ZG16: variants seen among roughly 807,000 people sequenced by gnomAD.
ZG16 encodes the protein zymogen granule membrane protein 16.
A neutral mutation model predicts 15.6 loss-of-function variants in ZG16; 9 were observed. The observed-to-expected ratio is 0.58, with a 90% CI of 0.35 to 1.00. The LOEUF is 1.00. ZG16 is among the 50% of genes least tolerant of loss of function. ZG16 has a pLI of 0.02. For missense variants in ZG16, 174 were observed against 214.8 expected (o/e 0.81, Z 1.19); for synonymous variants, 89 against 87.4 (o/e 1.02, Z -0.10).
chr16:29,779,990 T>C, intron 3 of ZG16, 114 bp from the exon 4 acceptor site: 3 of 1,012,508 alleles, frequency 3.0e-6, no homozygotes, highest in Non-Finnish European at 4.2e-6. Flanking sequence ...GAGTTGAAGT[T>C]CCCTGTAGGA....
chr16:29,779,991 C>A, intron 3 of ZG16, 113 bp from the exon 4 acceptor site: 1 of 1,023,432 alleles, frequency 9.8e-7, no homozygotes, highest in Non-Finnish European at 1.4e-6. Context: ...AGTTGAAGTT[C>A]CCTGTAGGAT....
chr16:29,779,177 A>T, intron 1 of ZG16, 83 bp from the exon 2 acceptor site: 1 of 1,370,868 alleles, frequency 7.3e-7, no homozygotes, highest in Non-Finnish European at 1.0e-6. Flanking sequence ...GCTTGGTCTG[A>T]GCTGCAGGTC....
chr16:29,779,368 C>A (rs912193318), intron 2 of ZG16, 47 bp downstream of exon 2: 9 of 1,535,908 alleles, frequency 5.9e-6, no homozygotes, highest in East Asian at 4.9e-5. Context: ...GGGAAGGCAG[C>A]CTTGGGCACT....
chr16:29,780,554 C>A lies in ZG16; in HGVS notation c.*135C>A. 2 of 808,150 alleles carry A rather than the reference C, an allele frequency of 2.5e-6. No individual in the cohort carries two copies. The highest frequency in any genetic ancestry group is 3.7e-6 in the Non-Finnish European group (2 of 535,092). 50.1% of individuals were successfully genotyped at this position (808,150 alleles called of 1,614,324 possible). On this transcript the variant is annotated 3_prime_UTR_variant, in exon 4 of 4. Coordinates refer to ENST00000400752, the MANE Select transcript of ZG16 (RefSeq NM_152338.4). ...GGGGCATCTGTGGCTGGGATATCTG[C>A]CTCCTGACTTAGCCGGGGACGTGCA... is the stretch of plus-strand genomic sequence containing the variant.
intron 3 of ZG16, 127 bp downstream of exon 3, chr16:29,779,764 C>T (rs1898601872): frequency 8.0e-7 from 1 of 1,243,384 alleles, no homozygotes; most frequent in Non-Finnish European, 1.1e-6. Flanking sequence ...GCCAGGGATG[C>T]CAGGGATTTA....
rs1218223399 is a variant in ZG16 at position 29,780,088 on chromosome 16, C to G, written c.189-16C>G. On this transcript the variant is annotated splice_polypyrimidine_tract_variant and intron_variant, in intron 3 of 3. Coordinates refer to ENST00000400752, the MANE Select transcript of ZG16 (RefSeq NM_152338.4). ...CATCACCTTTCTTTCTCCTTCCTTC[C>G]TCCCCTCTTCCTCAGTCTTCAGGTG... 2 of 1,527,220 alleles carry G rather than the reference C, an allele frequency of 1.3e-6. No individual in the cohort carries two copies. Among genetic ancestry groups the G allele is most frequent in the Non-Finnish European group, 1.8e-6 (2 of 1,140,570 alleles). The allele number at this position is 1,527,220 out of a possible 1,614,324, so 94.6% of individuals were successfully genotyped here. A position where few individuals can be genotyped will look rare whatever the true frequency, so the allele number is the denominator to read the frequency against.
chr16:29,779,799 C>T (rs898768416), intron 3 of ZG16, among the ~76,000 whole-genome samples, 162 bp downstream of exon 3: 7 of 151,952 alleles, frequency 4.6e-5, no homozygotes, highest in African/African-American at 9.7e-5. Context: ...TACCAAGACC[C>T]CATCTCTACC....
chr16:29,779,882 G>A (rs1471411489), intron 3 of ZG16, among the ~76,000 whole-genome samples: 3 of 152,060 alleles, frequency 2.0e-5, no homozygotes, highest in South Asian at 4.1e-4. Flanking sequence ...AGGGAGAGGC[G>A]GGAGGATTGC....
At chr16:29,779,982 G>A in intron 3 of ZG16, 122 bp from the exon 4 acceptor site, 2 of 955,784 alleles carry the variant, frequency 2.1e-6, no homozygotes, top group East Asian at 5.3e-5. Context: ...GGCAAAATGA[G>A]TTGAAGTTCC....
In ZG16 at chr16:29,782,736, T is replaced by A. The variant is rs1474545288; in HGVS notation, c.*2317T>A. ...TATCACAAATCTCCATCCAATTGGT[T>A]CTATAAACAGATATGGTGGCCCAAC... On this transcript the variant is annotated 3_prime_UTR_variant, in exon 4 of 4. Coordinates refer to ENST00000400752, the MANE Select transcript of ZG16 (RefSeq NM_152338.4). The A allele has an allele frequency of 6.5e-6, 1 of 152,782 alleles. No individual in the cohort carries two copies. The highest frequency in any genetic ancestry group is 1.5e-5 in the Non-Finnish European group (1 of 68,062). 9.5% of individuals were successfully genotyped at this position (152,782 alleles called of 1,614,324 possible).
intron 3 of ZG16, 142 bp from the exon 4 acceptor site, chr16:29,779,962 T>C: frequency 1.3e-6 from 1 of 798,222 alleles, no homozygotes; most frequent in Non-Finnish European, 1.9e-6. Flanking sequence ...GGTGACAGAG[T>C]CTCTTTGTTG....
chr16:29,778,472 G>C (rs1479463031), intron 1 of ZG16, among the ~76,000 whole-genome samples, 166 bp downstream of exon 1: 5 of 152,138 alleles, frequency 3.3e-5, no homozygotes, highest in Admixed American at 3.3e-4. Context: ...CTGAAGGACT[G>C]GGGACACCTG....
Position 29,780,268 on chromosome 16 carries a change from T to C in ZG16, c.353T>C (p.Leu118Pro). 1 of 1,537,514 alleles carries C rather than the reference T, an allele frequency of 6.5e-7. No homozygotes were observed. The highest frequency in any genetic ancestry group is 2.4e-5 in the East Asian group (1 of 40,914). The change falls in exon 4 of 4, where the codon CTG becomes CCG. Residue 118 changes from leucine to proline, a missense_variant. Transcript: ENST00000400752. ...TTTGTGACAGACAAGGGCCGCTATC[T>C]GTCTTTTGGGAAAGACAGTGGCACA... ...LVFVTDKGRY[L>P]SFGKDSGTSF...
At chr16:29,779,458 T>A (rs146520031) in intron 2 of ZG16, 47 bp from the exon 3 acceptor site, 1 of 1,534,674 alleles carries the variant, frequency 6.5e-7, no homozygotes, top group Non-Finnish European at 8.7e-7. Context: ...GCAGAGAAAC[T>A]GAACTCCTGG....
chr16:29,780,211 G>A lies in ZG16; in HGVS notation c.296G>A (p.Gly99Glu), dbSNP rs549276223. 4 of 1,537,426 alleles carry A rather than the reference G, an allele frequency of 2.6e-6. No homozygotes were observed. The African/African-American group carries it at 4.1e-5, about 16-fold the overall frequency. ...GGGGAATCAGTGATCCAGGTTTCTG[G>A]GAAGTACAAGTGGTACCTGAAGAAG... ...HPGESVIQVS[G>E]KYKWYLKKLV... Residue 99 changes from glycine (G) to glutamate (E), a missense_variant, in exon 4 of 4, where the codon GGG becomes GAG. Transcript: ENST00000400752.
At position 29,780,742 on chromosome 16, in the gene ZG16, A is replaced by G. The variant is rs2142354003; in HGVS notation, c.*323A>G. Reference sequence around the variant, plus strand: ...ACAGCTCCTTGGAACATTGATCCAAACTGGAGTCATGGGTCTGAGGGCAAG... The same window carrying G: ...ACAGCTCCTTGGAACATTGATCCAAGCTGGAGTCATGGGTCTGAGGGCAAG... On this transcript the variant is annotated 3_prime_UTR_variant, in exon 4 of 4. Transcript: ENST00000400752. The G allele has an allele frequency of 3.7e-6, 1 of 266,698 alleles. No individual in the cohort carries two copies. The highest frequency in any genetic ancestry group is 8.9e-5 in the East Asian group (1 of 11,284). 16.5% of individuals were successfully genotyped at this position (266,698 alleles called of 1,614,324 possible). A position where few individuals can be genotyped will look rare whatever the true frequency, so the allele number is the denominator to read the frequency against.
chr16:29,780,404 C>G lies in ZG16; in HGVS notation c.489C>G (p.Ser163Arg). The G allele has an allele frequency of 6.5e-7, 1 of 1,529,738 alleles. No homozygotes were observed. Among genetic ancestry groups the G allele is most frequent in the Non-Finnish European group, 8.8e-7 (1 of 1,140,962 alleles). 94.8% of individuals were successfully genotyped at this position (1,529,738 alleles called of 1,614,324 possible). A position where few individuals can be genotyped will look rare whatever the true frequency, so the allele number is the denominator to read the frequency against. Reference sequence around the variant, plus strand: ...TGCACTGGGATGTTTACCCCAGTAGCTGCAGCAGATGCTGAGCCTCCTCTC... The same window carrying G: ...TGCACTGGGATGTTTACCCCAGTAGGTGCAGCAGATGCTGAGCCTCCTCTC... ...IGLHWDVYPS[S>R]CSRC is the part of the protein sequence containing the mutation. Residue 163 changes from serine (S) to arginine (R), a missense_variant, in exon 4 of 4, where the codon AGC becomes AGG. By Grantham distance (110) the Ser-to-Arg change is moderately radical (BLOSUM62 -1). Transcript: ENST00000400752.
At position 29,780,137 on chromosome 16, in the gene ZG16, C is replaced by T; in HGVS notation, c.222C>T (p.Asp74=). 6.5e-7 allele frequency: 1 copy of T among 1,537,156 alleles called. No individual in the cohort carries two copies. Among genetic ancestry groups the T allele is most frequent in the Non-Finnish European group, 8.7e-7 (1 of 1,146,864 alleles). The change falls in exon 4 of 4, where the codon GAC becomes GAT. Residue 74 remains aspartate, a synonymous_variant. Transcript: ENST00000400752. The part of the protein sequence containing the change: ...LQVRYGKVWS[D]YVGGRNGDLE... ...TGCGCTATGGCAAGGTGTGGAGCGA[C>T]TATGTGGGTGGTCGCAACGGAGACC...
rs540664226 is a variant in ZG16, at chr16:29,780,600, T to C, written c.*181T>C. 6 of 600,622 alleles carry C rather than the reference T, an allele frequency of 1.0e-5. No individual in the cohort carries two copies. The highest frequency in any genetic ancestry group is 6.3e-5 in the Admixed American group (2 of 31,954). 37.2% of individuals were successfully genotyped at this position (600,622 alleles called of 1,614,324 possible). A position where few individuals can be genotyped will look rare whatever the true frequency, so the allele number is the denominator to read the frequency against. ...GTGCAAATCTCACTTCTGGCTGGCT[T>C]TGGACATCTGTCTGGAAGATGGGAA... On this transcript the variant is annotated 3_prime_UTR_variant, in exon 4 of 4. Coordinates refer to ENST00000400752, the MANE Select transcript of ZG16 (RefSeq NM_152338.4).
Sources: allele counts gnomAD v4.1 joint callset (sites outside exome capture counted in the v4.1 genomes callset), GRCh38; gene constraint gnomAD v4.1.1; transcripts MANE v1.5; gene names NCBI Gene and HGNC (gene_info 2026-07-23, HGNC 2026-07-21).